Variants in ZNF85 observed in about 807,000 individuals in gnomAD.
The protein encoded by ZNF85 is zinc finger protein 85 (HPF4, HTF1).
In ZNF85, 50 loss-of-function variants were observed where a neutral mutation model predicts 53.9. The observed-to-expected ratio is 0.93, with a 90% CI of 0.74 to 1.17. ZNF85 has a LOEUF of 1.17. Among genes scored for constraint, ZNF85 ranks in the 50% most tolerant of loss-of-function variants. The pLI, the probability that ZNF85 is intolerant of heterozygous loss-of-function variation, is 0.00. For missense variants in ZNF85, 747 were observed against 688.5 expected (o/e 1.08, Z -0.95); for synonymous variants, 225 against 226.1 (o/e 1.00, Z 0.04).
intron 3 of ZNF85, chr19:20,946,274 TAA>T (rs1973417149): frequency 2.6e-6 from 1 of 386,630 alleles, no homozygotes; most frequent in African/African-American, 2.2e-5. Flanking sequence ...AAAAATTTGT[TAA>T]GACTTCTTTT....
intron 3 of ZNF85, among the ~76,000 whole-genome samples, chr19:20,938,032 C>T (rs749906474): frequency 7.2e-5 from 11 of 152,118 alleles, no homozygotes; most frequent in Non-Finnish European, 1.3e-4. Flanking sequence ...CTTAGAGGCA[C>T]TTATTTTGGA....
chr19:20,949,899 C>G lies in ZNF85; in HGVS notation c.1385C>G (p.Ala462Gly), dbSNP rs140408195. The change falls in exon 4 of 4, where the codon GCT becomes GGT. Residue 462 changes from alanine (A) to glycine (G), a missense_variant. Ala to Gly is a moderately conservative substitution (Grantham distance 60). Coordinates refer to ENST00000328178, the MANE Select transcript of ZNF85 (RefSeq NM_003429.5). The part of the protein sequence containing the change: ...KPYECEKCGK[A>G]FNQSSNLTRH... ...TATGAATGTGAAAAATGTGGCAAAG[C>G]TTTTAACCAGTCCTCAAATCTTACT... The G allele has an allele frequency of 9.3e-6, 15 of 1,612,598 alleles. No individual in the cohort carries two copies. The highest frequency in any genetic ancestry group is 3.3e-5 in the Admixed American group (2 of 59,812).
chr19:20,930,716 T>A (rs2144612612), intron 1 of ZNF85, among the ~76,000 whole-genome samples: 1 of 152,300 alleles, frequency 6.6e-6, no homozygotes, highest in African/African-American at 2.4e-5. Flanking sequence ...GCCTTCTGTT[T>A]CCTCTGTAAA....
intron 3 of ZNF85, among the ~76,000 whole-genome samples, chr19:20,944,939 TA>T (rs771483476): frequency 4.8e-4 from 73 of 152,308 alleles, no homozygotes; most frequent in Non-Finnish European, 9.4e-4. Flanking sequence ...TATTTTCCTA[TA>T]ACTTGTGTAT....
At chr19:20,927,992 C>A (rs1972920182) in intron 1 of ZNF85, 1 of 149,990 alleles carries the variant, frequency 6.7e-6, no homozygotes, top group African/African-American at 2.4e-5. Flanking sequence ...TTTTTCCCCA[C>A]CTCTTTTTTT....
At chr19:20,934,237 C>T in intron 2 of ZNF85, 87 bp downstream of exon 2, 2 of 1,517,808 alleles carry the variant, frequency 1.3e-6, no homozygotes, top group East Asian at 2.3e-5. Flanking sequence ...GTAAAGTGTG[C>T]TTTGCATAAA....
intron 3 of ZNF85, among the ~76,000 whole-genome samples, chr19:20,936,307 T>G (rs1228710648): frequency 6.6e-6 from 1 of 152,244 alleles, no homozygotes; most frequent in African/African-American, 2.4e-5. Flanking sequence ...TTACTAATTC[T>G]TCTGCCACAT....
rs374726002 is a variant in ZNF85 at position 20,950,000 on chromosome 19, A to C, written c.1486A>C (p.Thr496Pro). The part of the protein sequence containing the change: ...ECGKGFKWPS[T>P]LTIHKIIHTG... ...TGGCAAAGGTTTTAAATGGCCCTCA[A>C]CCCTTACTATCCATAAGATAATTCA... Residue 496 changes from threonine to proline, a missense_variant, in exon 4 of 4, where the codon ACC becomes CCC. Coordinates refer to ENST00000328178, the MANE Select transcript of ZNF85 (RefSeq NM_003429.5). 1 of 1,612,440 alleles carries C rather than the reference A, an allele frequency of 6.2e-7. No homozygotes were observed. Among genetic ancestry groups the C allele is most frequent in the African/African-American group, 1.3e-5 (1 of 74,746 alleles).
chr19:20,949,536 C>CT lies in ZNF85; in HGVS notation c.1022_1023insT (p.Tyr342LeufsTer4), dbSNP rs2144680066. The stretch of plus-strand genomic sequence containing the variant: ...AAGATAATTCATACTGGAGAGAAAC[C>CT]CTACAAATGTAAAAAATGTGGAAAA... On this transcript the variant is annotated frameshift_variant, in exon 4 of 4. Coordinates refer to ENST00000328178, the MANE Select transcript of ZNF85 (RefSeq NM_003429.5). LOFTEE classifies it high-confidence loss of function. The CT allele has an allele frequency of 6.2e-7, 1 of 1,613,150 alleles. No individual in the cohort carries two copies. The highest frequency in any genetic ancestry group is 2.2e-5 in the East Asian group (1 of 44,804).
intron 1 of ZNF85, among the ~76,000 whole-genome samples, chr19:20,932,250 G>A (rs112609861): frequency 0.012 from 1,824 of 152,228 alleles, 33 homozygotes; most frequent in African/African-American, 0.035. Context: ...AGCAAAACAT[G>A]TCTCAGATCA....
chr19:20,945,198 A>C (rs1256687339), intron 3 of ZNF85, among the ~76,000 whole-genome samples: 1 of 152,158 alleles, frequency 6.6e-6, no homozygotes, highest in Non-Finnish European at 1.5e-5. Flanking sequence ...AGTGATCTTA[A>C]TTATATTGAC....
intron 1 of ZNF85, chr19:20,926,835 G>C (rs1202005295): frequency 2.0e-5 from 3 of 151,838 alleles, no homozygotes; most frequent in Admixed American, 1.3e-4. Flanking sequence ...ATAAAACAAA[G>C]TTAGATTTGT....
chr19:20,937,259 T>C, intron 3 of ZNF85: 1 of 449,424 alleles, frequency 2.2e-6, no homozygotes, highest in South Asian at 1.6e-5. Context: ...CTCAAACTCC[T>C]GACCTCGTGA....
chr19:20,929,916 C>T (rs112633031), intron 1 of ZNF85, among the ~76,000 whole-genome samples: 1,839 of 152,114 alleles, frequency 0.012, 34 homozygotes, highest in African/African-American at 0.035. Flanking sequence ...GTCAGGAGTT[C>T]GAGACCAGCC....
chr19:20,940,991 T>C (rs1015295887), intron 3 of ZNF85, among the ~76,000 whole-genome samples: 10 of 152,224 alleles, frequency 6.6e-5, no homozygotes, highest in Admixed American at 6.5e-4. Flanking sequence ...AGGTTCTGTG[T>C]TGCATAGTTC....
intron 3 of ZNF85, among the ~76,000 whole-genome samples, chr19:20,939,681 C>T (rs1307573727): frequency 6.6e-6 from 1 of 152,080 alleles, no homozygotes; most frequent in African/African-American, 2.4e-5. Context: ...ACAAATCAGC[C>T]ATATGTCTAT....
intron 1 of ZNF85, among the ~76,000 whole-genome samples, chr19:20,933,179 C>T (rs1372472541): frequency 2.2e-5 from 3 of 135,064 alleles, no homozygotes; most frequent in African/African-American, 8.4e-5. Flanking sequence ...GGCAGCAGAG[C>T]GAGACTCCGT....
chr19:20,937,403 T>G (rs141539898), intron 3 of ZNF85: 6 of 454,978 alleles, frequency 1.3e-5, no homozygotes, highest in African/African-American at 1.2e-4. Flanking sequence ...CGGGATGCCC[T>G]CTGAGTTTAT....
At chr19:20,942,799 A>G (rs1973328279) in intron 3 of ZNF85, 1 of 699,424 alleles carries the variant, frequency 1.4e-6, no homozygotes, top group Non-Finnish European at 2.6e-6. Flanking sequence ...ATTTTGACGC[A>G]GAATCTTACT....
Sources: gnomAD v4.1 joint callset for allele counts (sites outside exome capture counted in the v4.1 genomes callset) on GRCh38, gnomAD v4.1.1 for gene constraint, MANE v1.5 for transcripts, NCBI Gene and HGNC (gene_info 2026-07-23, HGNC 2026-07-21) for gene names.